The following KCNN2 variants were observed in gnomAD, a reference collection of about 807,000 sequenced individuals.
KCNN2 encodes small conductance calcium-activated potassium channel protein 2.
KCNN2 carries 24 observed loss-of-function variants against 55.5 expected under a neutral mutation model. The observed-to-expected ratio is 0.43, with a 90% CI of 0.31 to 0.61. The LOEUF is 0.61. Among genes scored for constraint, KCNN2 ranks in the 20% least tolerant of loss-of-function variants. The pLI is 0.08. For synonymous variants in KCNN2, 431 were observed against 336.1 expected, an observed-to-expected ratio of 1.28 and a Z score of -3.09; for missense variants, 754 against 853.6, an observed-to-expected ratio of 0.88 and a Z score of 1.45.
At chr5:114,253,259 TTAA>T (rs1451340827) in intron 2 of KCNN2, among the ~76,000 whole-genome samples, 2 of 151,606 alleles carry the variant, frequency 1.3e-5, no homozygotes, top group African/African-American at 4.9e-5. Context: ...AGAACTAGAA[TTAA>T]TAATCTGAAG....
At chr5:114,221,209 A>G (rs1754131171) in intron 1 of KCNN2, among the ~76,000 whole-genome samples, 1 of 152,192 alleles carries the variant, frequency 6.6e-6, no homozygotes, top group Admixed American at 6.5e-5. Flanking sequence ...TCCTTTGTAC[A>G]GGGCAAGAAT....
intron 3 of KCNN2, among the ~76,000 whole-genome samples, chr5:114,415,687 T>C (rs1017999847): frequency 2.6e-5 from 4 of 152,232 alleles, no homozygotes; most frequent in African/African-American, 4.8e-5. Flanking sequence ...TTTGTGTATC[T>C]TCTTTGGCAA....
At chr5:114,318,744 G>C (rs1756552763) in intron 2 of KCNN2, among the ~76,000 whole-genome samples, 10 of 151,612 alleles carry the variant, frequency 6.6e-5, no homozygotes, top group Admixed American at 6.6e-4. Context: ...ATACACTGTG[G>C]GTATAAATCA....
intron 2 of KCNN2, among the ~76,000 whole-genome samples, chr5:114,384,386 G>GA (rs1758216053): frequency 6.6e-6 from 1 of 152,148 alleles, no homozygotes; most frequent in Non-Finnish European, 1.5e-5. Context: ...GGGTTGTTCA[G>GA]AAAGAGCTAC....
At chr5:114,443,449 TAGAA>T (rs1760291862) in intron 3 of KCNN2, among the ~76,000 whole-genome samples, 1 of 152,232 alleles carries the variant, frequency 6.6e-6, no homozygotes, top group Non-Finnish European at 1.5e-5. Context: ...TGTTCTCATG[TAGAA>T]AGAACTTTAG....
At chr5:114,084,801 T>C (rs1750978539) in intron 1 of KCNN2, among the ~76,000 whole-genome samples, 1 of 151,978 alleles carries the variant, frequency 6.6e-6, no homozygotes, top group Non-Finnish European at 1.5e-5. Flanking sequence ...TTTTTGGTTT[T>C]ACAACTAGGT....
In KCNN2 at chr5:114,192,681, T is replaced by C. The variant is rs142160592; in HGVS notation, c.-270-28799T>C. Among the ~76,000 whole-genome samples, 358 of 152,268 alleles carry C rather than the reference T, an allele frequency of 2.4e-3. 1 individual carries two copies. The highest frequency in any genetic ancestry group is 8.2e-3 in the African/African-American group (341 of 41,576). ...CGGTCATATGTCGACCTGGAAATAATCTTTGTATGGCTCAGGGAGGTCCTT... is the reference window on the plus strand; with the variant it reads ...CGGTCATATGTCGACCTGGAAATAACCTTTGTATGGCTCAGGGAGGTCCTT... On this transcript the variant is annotated intron_variant, in intron 1 of 10. Transcript: ENST00000512097.
At chr5:114,340,191 C>G (rs1756991615) in intron 2 of KCNN2, among the ~76,000 whole-genome samples, 1 of 152,038 alleles carries the variant, frequency 6.6e-6, no homozygotes. Context: ...GATTGAATCT[C>G]CCAACATTTT....
intron 2 of KCNN2, among the ~76,000 whole-genome samples, chr5:114,381,565 G>A (rs1042869981): frequency 6.6e-6 from 1 of 152,172 alleles, no homozygotes; most frequent in Non-Finnish European, 1.5e-5. Context: ...GGGCCCGCTT[G>A]TGTCCCTCCA....
chr5:114,076,451 G>A (rs777105294), intron 1 of KCNN2, among the ~76,000 whole-genome samples: 7 of 152,140 alleles, frequency 4.6e-5, no homozygotes, highest in Non-Finnish European at 8.8e-5. Flanking sequence ...TGATTTGAGA[G>A]CCAGAGGGGC....
intron 1 of KCNN2, among the ~76,000 whole-genome samples, chr5:114,187,065 G>GT (rs1365455899): frequency 1.1e-4 from 17 of 152,232 alleles, no homozygotes; most frequent in African/African-American, 3.9e-4. Context: ...CTTTAGAAAC[G>GT]TAAGAGTGAT....
At chr5:114,231,897 C>T (rs112812264) in intron 2 of KCNN2, among the ~76,000 whole-genome samples, 4,155 of 150,248 alleles carry the variant, frequency 0.028, 144 homozygotes, top group Non-Finnish European at 0.036. Flanking sequence ...TAGGCTGTTA[C>T]AGGTAGACAG....
intron 3 of KCNN2, among the ~76,000 whole-genome samples, chr5:114,446,780 G>A (rs1760426221): frequency 6.6e-6 from 1 of 152,032 alleles, no homozygotes; most frequent in Non-Finnish European, 1.5e-5. Flanking sequence ...AATTTTAATT[G>A]CCTGCAATCT....
chr5:114,458,780 A>G (rs1761051909), intron 3 of KCNN2, among the ~76,000 whole-genome samples: 1 of 152,212 alleles, frequency 6.6e-6, no homozygotes. Context: ...ATGCTGACCA[A>G]AAGCTACAGG....
At chr5:114,104,769 A>G (rs1751445728) in intron 1 of KCNN2, among the ~76,000 whole-genome samples, 1 of 152,000 alleles carries the variant, frequency 6.6e-6, no homozygotes, top group Non-Finnish European at 1.5e-5. Context: ...TCCTGAGAAA[A>G]TAAGTTATAT....
chr5:114,492,586 G>T (rs1296297497), intron 6 of KCNN2, among the ~76,000 whole-genome samples: 2 of 152,024 alleles, frequency 1.3e-5, no homozygotes, highest in Non-Finnish European at 2.9e-5. Flanking sequence ...GAATAGCAGA[G>T]TTCTTACCTA....
At chr5:114,072,985 C>G (rs1750607656) in intron 1 of KCNN2, among the ~76,000 whole-genome samples, 1 of 152,120 alleles carries the variant, frequency 6.6e-6, no homozygotes, top group Non-Finnish European at 1.5e-5. Flanking sequence ...TACATAGTGA[C>G]TGTGGATTAC....
chr5:114,403,872 G>A (rs190280986), intron 2 of KCNN2, among the ~76,000 whole-genome samples: 268 of 152,314 alleles, frequency 1.8e-3, no homozygotes, highest in Middle Eastern at 0.01. Flanking sequence ...AAAAGAGACA[G>A]AAAATAGAGT....
chr5:114,139,357 C>G (rs1483796560), intron 1 of KCNN2, among the ~76,000 whole-genome samples: 3 of 151,816 alleles, frequency 2.0e-5, no homozygotes, highest in East Asian at 3.9e-4. Context: ...TGTCTTCTGA[C>G]ATTATATGAT....
Sources: allele counts gnomAD v4.1 joint callset (sites outside exome capture counted in the v4.1 genomes callset), GRCh38; gene constraint gnomAD v4.1.1; transcripts MANE v1.5; gene names NCBI Gene and HGNC (gene_info 2026-07-23, HGNC 2026-07-21).